The following NTRK2 variants were observed in gnomAD, a reference collection of about 807,000 sequenced individuals.
NTRK2 encodes BDNF/NT-3 growth factors receptor.
NTRK2 carries 13 observed loss-of-function variants against 94.5 expected under a neutral mutation model. That is an observed-to-expected ratio of 0.14 (90% CI 0.09 to 0.22). The LOEUF (loss-of-function observed/expected upper bound fraction) is 0.22, where lower values mean the gene tolerates loss of function less well. NTRK2 is among the 10% of genes least tolerant of loss of function. NTRK2 has a pLI of 1.00. For synonymous variants in NTRK2, 372 were observed against 407.4 expected, an observed-to-expected ratio of 0.91 and a Z score of 1.05; for missense variants, 639 against 1,071.2, an observed-to-expected ratio of 0.60 and a Z score of 5.63.
intron 12 of NTRK2, among the ~76,000 whole-genome samples, chr9:84,821,011 G>A (rs2072779790): frequency 6.6e-6 from 1 of 152,144 alleles, no homozygotes. Flanking sequence ...TTCTGAGCTA[G>A]CCATAAGATC....
intron 14 of NTRK2, among the ~76,000 whole-genome samples, chr9:84,870,357 ATATATAT>A (rs1358803258): frequency 3.9e-5 from 5 of 129,236 alleles, no homozygotes; most frequent in African/African-American, 1.4e-4. Context: ...ATATATATAT[ATATATAT>A]AAAACTCTGT....
intron 17 of NTRK2, among the ~76,000 whole-genome samples, chr9:84,969,064 C>G (rs185260662): frequency 3.3e-5 from 5 of 152,204 alleles, no homozygotes; most frequent in Non-Finnish European, 7.3e-5. Flanking sequence ...AGCCACACTT[C>G]ATGCATTGTT....
At chr9:85,019,818 T>G (rs1832622860) in intron 17 of NTRK2, among the ~76,000 whole-genome samples, 2 of 152,312 alleles carry the variant, frequency 1.3e-5, no homozygotes, top group South Asian at 4.1e-4. Flanking sequence ...CACTGGTTGG[T>G]CATTTTGGAT....
In NTRK2 at chr9:85,014,256, A is replaced by G. The variant is rs546811307; in HGVS notation, c.2173-5950A>G. ...TAGAAGAGAAGGGAAGAAGATGGGG[A>G]CACAAGGAGGATGATAAATGCATTT... On this transcript the variant is annotated intron_variant, in intron 17 of 18. Coordinates refer to ENST00000277120, the MANE Select transcript of NTRK2 (RefSeq NM_006180.6). Among the ~76,000 whole-genome samples the G allele has an allele frequency of 2.0e-5, 3 of 152,272 alleles. No individual in the cohort carries two copies. In the South Asian group the frequency reaches 6.2e-4, roughly 32 times the overall value.
chr9:84,961,086 G>A (rs1300395449), intron 17 of NTRK2, among the ~76,000 whole-genome samples: 1 of 152,168 alleles, frequency 6.6e-6, no homozygotes, highest in Non-Finnish European at 1.5e-5. Flanking sequence ...GCAGTGAAGA[G>A]CCCAGGGCTA....
At chr9:84,759,692 C>A (rs940487523) in intron 12 of NTRK2, among the ~76,000 whole-genome samples, 1 of 152,220 alleles carries the variant, frequency 6.6e-6, no homozygotes, top group Non-Finnish European at 1.5e-5. Flanking sequence ...TGGCCTATTT[C>A]AGACAGGACT....
At chr9:84,992,911 A>AT (rs1829266424) in intron 17 of NTRK2, among the ~76,000 whole-genome samples, 1 of 149,986 alleles carries the variant, frequency 6.7e-6, no homozygotes, top group East Asian at 1.9e-4. Flanking sequence ...TAAGAAAAAA[A>AT]AAATATATAA....
chr9:84,874,858 C>A, intron 14 of NTRK2: 7 of 1,057,860 alleles, frequency 6.6e-6, no homozygotes, highest in Non-Finnish European at 8.0e-6. Context: ...CAGGACAGTC[C>A]TAAACAGACT....
intron 6 of NTRK2, among the ~76,000 whole-genome samples, chr9:84,716,034 G>A (rs1295544662): frequency 6.6e-6 from 1 of 152,082 alleles, no homozygotes; most frequent in Non-Finnish European, 1.5e-5. Flanking sequence ...GTATTCCTCT[G>A]GGTCATATCA....
At position 84,876,920 on chromosome 9, in the gene NTRK2, T is replaced by A. The variant is rs1358491038; in HGVS notation, c.1633+9489T>A. On this transcript the variant is annotated intron_variant, in intron 14 of 18. Coordinates refer to ENST00000277120, the MANE Select transcript of NTRK2 (RefSeq NM_006180.6). ...TCTTTTTACATGTGAGATTTTTGAT[T>A]TCACTGAATTCTACCTAGATTTTTA... 12 of 1,061,422 alleles carry A rather than the reference T, an allele frequency of 1.1e-5. No homozygotes were observed. In the African/African-American group the frequency reaches 1.8e-4, roughly 16 times the overall value. 65.8% of individuals were successfully genotyped at this position (1,061,422 alleles called of 1,614,324 possible). A position where few individuals can be genotyped will look rare whatever the true frequency, so the allele number is the denominator to read the frequency against.
intron 5 of NTRK2, among the ~76,000 whole-genome samples, chr9:84,709,882 T>C (rs971442422): frequency 1.6e-4 from 24 of 152,158 alleles, no homozygotes; most frequent in Admixed American, 1.2e-3. Flanking sequence ...GAGGTCTGAA[T>C]GGCGGTGGCT....
At chr9:85,015,001 A>C (rs1032631429) in intron 17 of NTRK2, among the ~76,000 whole-genome samples, 1 of 152,040 alleles carries the variant, frequency 6.6e-6, no homozygotes, top group Admixed American at 6.6e-5. Flanking sequence ...TGCCTCAGAC[A>C]TTGTTCTGAT....
chr9:84,946,944 G>C (rs977753690), intron 15 of NTRK2, among the ~76,000 whole-genome samples: 8 of 151,922 alleles, frequency 5.3e-5, no homozygotes, highest in African/African-American at 1.9e-4. Context: ...TGTCCTTATG[G>C]CTCTCTCTTT....
chr9:84,903,378 G>A (rs1395481224), intron 14 of NTRK2, among the ~76,000 whole-genome samples: 1 of 152,208 alleles, frequency 6.6e-6, no homozygotes, highest in Non-Finnish European at 1.5e-5. Context: ...CCATAGGAAA[G>A]GAGTAGAGAA....
In NTRK2 at chr9:85,024,069, TA is replaced by T; in HGVS notation, c.*2636del. 4.4e-6 allele frequency: 1 copy of T among 228,966 alleles called. No homozygotes were observed. Among genetic ancestry groups the T allele is most frequent in the Non-Finnish European group, 8.7e-6 (1 of 115,354 alleles). The allele number at this position is 228,966 out of a possible 1,614,324, so 14.2% of individuals were successfully genotyped here. ...TGACAAGTCCCTAAAGGTCTTGAAA[TA>T]AAAGGTTCTATGCAAGTGCAAAGTT... is the stretch of plus-strand genomic sequence containing the variant. On this transcript the variant is annotated 3_prime_UTR_variant, in exon 19 of 19. Coordinates refer to ENST00000277120, the MANE Select transcript of NTRK2 (RefSeq NM_006180.6).
At chr9:85,019,730 G>A (rs1300212861) in intron 17 of NTRK2, among the ~76,000 whole-genome samples, 1 of 152,190 alleles carries the variant, frequency 6.6e-6, no homozygotes, top group Non-Finnish European at 1.5e-5. Flanking sequence ...AGTGATGGTG[G>A]AGGGGTTTGA....
chr9:84,959,563 G>A lies in NTRK2; in HGVS notation c.2172+4046G>A, dbSNP rs553739972. Reference sequence around the variant, plus strand: ...CACCAGGAAATGGCTGCCTCCAGGCGTCCACCCTGTTGCAGCTGAGCTAAT... The same window carrying A: ...CACCAGGAAATGGCTGCCTCCAGGCATCCACCCTGTTGCAGCTGAGCTAAT... On this transcript the variant is annotated intron_variant, in intron 17 of 18. Coordinates refer to ENST00000277120, the MANE Select transcript of NTRK2 (RefSeq NM_006180.6). Among the ~76,000 whole-genome samples the A allele has an allele frequency of 6.6e-5, 10 of 152,316 alleles. No individual in the cohort carries two copies. The South Asian group carries it at 8.3e-4, about 13-fold the overall frequency.
intron 2 of NTRK2, among the ~76,000 whole-genome samples, chr9:84,686,950 A>T (rs13302051): frequency 6.6e-6 from 1 of 152,236 alleles, no homozygotes; most frequent in African/African-American, 2.4e-5. Context: ...ATATCTATTG[A>T]TGTTTTATTT....
At chr9:84,742,663 A>G (rs2063736139) in intron 10 of NTRK2, among the ~76,000 whole-genome samples, 1 of 152,144 alleles carries the variant, frequency 6.6e-6, no homozygotes, top group Non-Finnish European at 1.5e-5. Flanking sequence ...TTATCCCTTC[A>G]GTAACTAAAT....
Sources: allele counts gnomAD v4.1 joint callset (sites outside exome capture counted in the v4.1 genomes callset), GRCh38; gene constraint gnomAD v4.1.1; transcripts MANE v1.5; gene names NCBI Gene and HGNC (gene_info 2026-07-23, HGNC 2026-07-21).